MFSD8: variants seen among roughly 807,000 people sequenced by gnomAD.
The protein encoded by MFSD8 is major facilitator superfamily domain-containing protein 8.
A neutral mutation model predicts 66.4 loss-of-function variants in MFSD8; 55 were observed. The observed-to-expected ratio is 0.83, with a 90% CI of 0.67 to 1.04. The LOEUF (loss-of-function observed/expected upper bound fraction) is 1.04, where lower values mean the gene tolerates loss of function less well. Among genes scored for constraint, MFSD8 ranks in the 50% least tolerant of loss-of-function variants. The pLI is 0.00. For missense variants in MFSD8, 550 were observed against 627.6 expected (o/e 0.88, Z 1.32); for synonymous variants, 202 against 212.8 (o/e 0.95, Z 0.44).
chr4:127,923,943 A>AT lies in MFSD8; in HGVS notation c.999-1981dup, dbSNP rs145207764. 1.7e-3 allele frequency among the ~76,000 whole-genome samples: 257 copies of AT among 151,876 alleles called. 1 individual carries two copies. The highest frequency in any genetic ancestry group is 2.9e-3 in the Non-Finnish European group (198 of 67,944). Reference sequence around the variant, plus strand: ...TGTTCATCAGGGATATTGGCCTTAAATTTTTTTTGTTGTGTCTCTGCCAGG... The same window carrying AT: ...TGTTCATCAGGGATATTGGCCTTAAATTTTTTTTTGTTGTGTCTCTGCCAGG... On this transcript the variant is annotated intron_variant, in intron 9 of 11. Coordinates refer to ENST00000641686, the MANE Select transcript of MFSD8 (RefSeq NM_001371596.2).
At chr4:127,945,155 T>C (rs1282904499) in intron 3 of MFSD8, among the ~76,000 whole-genome samples, 1 of 152,186 alleles carries the variant, frequency 6.6e-6, no homozygotes, top group Non-Finnish European at 1.5e-5. Context: ...CACTCCAGTC[T>C]GGGCAACATA....
intron 2 of MFSD8, among the ~76,000 whole-genome samples, chr4:127,954,727 A>C (rs1742572028): frequency 6.6e-6 from 1 of 152,234 alleles, no homozygotes; most frequent in Non-Finnish European, 1.5e-5. Flanking sequence ...ATGGGAGAAA[A>C]TATTTACAAA....
chr4:127,965,059 A>G lies in MFSD8; in HGVS notation c.62+13T>C. The stretch of plus-strand genomic sequence containing the variant: ...CAGGAGACTGAGGGGTCCCTCCACC[A>G]GGATCCGCTCACCTGCTTCCAGGTG... On this transcript the variant is annotated intron_variant, in intron 1 of 11. Transcript: ENST00000641686. 1 of 1,613,166 alleles carries G rather than the reference A, an allele frequency of 6.2e-7. No individual in the cohort carries two copies. Among genetic ancestry groups the G allele is most frequent in the Non-Finnish European group, 8.5e-7 (1 of 1,179,704 alleles).
intron 2 of MFSD8, among the ~76,000 whole-genome samples, chr4:127,953,108 G>A (rs1464618052): frequency 6.6e-6 from 1 of 152,010 alleles, no homozygotes; most frequent in African/African-American, 2.4e-5. Flanking sequence ...AAGCCTCATG[G>A]TCTAAGAGAA....
In MFSD8 at chr4:127,939,924, C is replaced by A; in HGVS notation, c.627G>T (p.Met209Ile). 1.2e-6 allele frequency: 2 copies of A among 1,613,528 alleles called. No individual in the cohort carries two copies. Among genetic ancestry groups the A allele is most frequent in the Non-Finnish European group, 1.7e-6 (2 of 1,179,678 alleles). Residue 209 changes from methionine to isoleucine, a missense_variant, in exon 6 of 12, where the codon ATG becomes ATT. Coordinates refer to ENST00000641686, the MANE Select transcript of MFSD8 (RefSeq NM_001371596.2). Reference protein sequence around the residue: ...TWDVIKLQINMYTTPVLLSAF... With the variant: ...TWDVIKLQINIYTTPVLLSAF... ...CGCTAAGTAAAACTGGTGTTGTATACATGTTTATCTGCAGTTTAATCACAT... is the reference window on the plus strand; with the variant it reads ...CGCTAAGTAAAACTGGTGTTGTATAAATGTTTATCTGCAGTTTAATCACAT...
At chr4:127,934,842 C>A (rs911442241) in intron 7 of MFSD8, among the ~76,000 whole-genome samples, 7 of 151,506 alleles carry the variant, frequency 4.6e-5, no homozygotes, top group Non-Finnish European at 8.8e-5. Flanking sequence ...CAGGTGTGAG[C>A]CACCACGCCC....
intron 2 of MFSD8, among the ~76,000 whole-genome samples, chr4:127,954,773 A>C (rs540575166): frequency 4.2e-4 from 64 of 152,366 alleles, no homozygotes; most frequent in South Asian, 1.9e-3. Context: ...TTCAGAGTAT[A>C]TAAAGAATTC....
At chr4:127,930,523 G>T in intron 9 of MFSD8, 160 bp downstream of exon 9, 2 of 776,334 alleles carry the variant, frequency 2.6e-6, no homozygotes, top group African/African-American at 1.8e-5. Flanking sequence ...CCAAAGAAAT[G>T]CTGTAATGTA....
Position 127,930,797 on chromosome 4 carries a change from A to G in MFSD8, c.884T>C (p.Met295Thr). The change falls in exon 9 of 12, where the codon ATG becomes ACG. Residue 295 changes from methionine (M) to threonine (T), a missense_variant. By Grantham distance (81) the Met-to-Thr change is moderately conservative. Coordinates refer to ENST00000641686, the MANE Select transcript of MFSD8 (RefSeq NM_001371596.2). ...LFETIITPLT[M>T]DMYAWTQEQA... ...TTCTTGAGTCCAGGCATACATATCC[A>G]TTGTTAATGGAGTAATGATGCTAAG... is the stretch of plus-strand genomic sequence containing the variant. 2 of 1,611,524 alleles carry G rather than the reference A, an allele frequency of 1.2e-6. No homozygotes were observed. Among genetic ancestry groups the G allele is most frequent in the South Asian group, 1.1e-5 (1 of 90,058 alleles).
At chr4:127,964,474 G>A (rs1366267327) in intron 1 of MFSD8, among the ~76,000 whole-genome samples, 2 of 152,244 alleles carry the variant, frequency 1.3e-5, no homozygotes, top group Non-Finnish European at 2.9e-5. Flanking sequence ...GCAGCCGCTG[G>A]CCCGGGTGCT....
intron 11 of MFSD8, 196 bp from the exon 12 acceptor site, chr4:127,921,032 TA>T: frequency 1.6e-6 from 1 of 613,824 alleles, no homozygotes; most frequent in Non-Finnish European, 2.8e-6. Context: ...AAAAGGAGTG[TA>T]AAGGGAAAAA....
chr4:127,942,458 G>T (rs186374573), intron 4 of MFSD8, among the ~76,000 whole-genome samples: 129 of 152,258 alleles, frequency 8.5e-4, no homozygotes, highest in African/African-American at 2.9e-3. Context: ...ACTTTCAGAG[G>T]TTGAGGTAGG....
intron 2 of MFSD8, 53 bp downstream of exon 2, chr4:127,957,439 AAATGAAGTT>A: frequency 8.9e-7 from 1 of 1,126,640 alleles, no homozygotes. Flanking sequence ...TAAATGAAGT[AAATGAAGTT>A]AAAATATGAC....
chr4:127,921,422 T>C (rs1390002875), intron 11 of MFSD8, 102 bp downstream of exon 11: 3 of 1,573,730 alleles, frequency 1.9e-6, no homozygotes, highest in African/African-American at 1.4e-5. Flanking sequence ...ATGATAAAAA[T>C]CCCTCAAATC....
chr4:127,953,559 T>G (rs1343830081), intron 2 of MFSD8, among the ~76,000 whole-genome samples: 19 of 139,072 alleles, frequency 1.4e-4, no homozygotes, highest in African/African-American at 4.9e-4. Context: ...TTTTTTTTTT[T>G]TTTTTTTTTT....
chr4:127,957,733 T>C (rs1165322398), intron 1 of MFSD8, 141 bp from the exon 2 acceptor site: 8 of 631,342 alleles, frequency 1.3e-5, no homozygotes, highest in South Asian at 2.0e-5. Context: ...CACTAATTTA[T>C]CTATGAATAA....
intron 11 of MFSD8, 69 bp from the exon 12 acceptor site, chr4:127,920,905 G>C: frequency 6.9e-7 from 1 of 1,452,042 alleles, no homozygotes; most frequent in East Asian, 2.4e-5. Context: ...CAAAGAAATG[G>C]TATTACCAAA....
At chr4:127,956,041 C>A (rs957913002) in intron 2 of MFSD8, among the ~76,000 whole-genome samples, 2 of 151,974 alleles carry the variant, frequency 1.3e-5, no homozygotes, top group African/African-American at 2.4e-5. Context: ...ATTGCTCGAA[C>A]CCAGGAGGCA....
chr4:127,964,765 A>C, intron 1 of MFSD8: 1 of 514,962 alleles, frequency 1.9e-6, no homozygotes, highest in South Asian at 2.1e-5. Flanking sequence ...AGAGCGAGCA[A>C]GGGCTGTGAG....
Sources: gnomAD v4.1 joint callset for allele counts (sites outside exome capture counted in the v4.1 genomes callset) on GRCh38, gnomAD v4.1.1 for gene constraint, MANE v1.5 for transcripts, NCBI Gene and HGNC (gene_info 2026-07-23, HGNC 2026-07-21) for gene names.